Variants in RBFOX1 observed in about 807,000 individuals in gnomAD.
RBFOX1 encodes RNA binding fox-1 homolog 1, also known as RNA binding protein fox-1 homolog 1.
Under a neutral mutation model 57.7 loss-of-function variants are expected in RBFOX1, and 8 were observed. The observed-to-expected ratio is 0.14, with a 90% CI of 0.08 to 0.25. The LOEUF is 0.25. Among genes scored for constraint, RBFOX1 ranks in the 10% least tolerant of loss-of-function variants. The probability of loss-of-function intolerance (pLI) is 1.00; values close to 1 mark genes in which losing one functional copy is unlikely to be tolerated. For missense variants in RBFOX1, 611 were observed against 548.5 expected (o/e 1.11, Z -1.14); for synonymous variants, 326 against 222.4 (o/e 1.47, Z -4.15).
At chr16:6,811,417 T>A (rs986168346) in intron 3 of RBFOX1, among the ~76,000 whole-genome samples, 1 of 152,236 alleles carries the variant, frequency 6.6e-6, no homozygotes, top group East Asian at 1.9e-4. Context: ...ATTTTAATGT[T>A]TCATTGGCTA....
At chr16:7,258,311 T>G (rs2076495715) in intron 4 of RBFOX1, among the ~76,000 whole-genome samples, 1 of 152,186 alleles carries the variant, frequency 6.6e-6, no homozygotes. Context: ...ATTTTATACA[T>G]TAAAATGAGT....
rs539911250 is a variant in RBFOX1 at position 6,019,585 on chromosome 16, C to G, written c.-534C>G. On this transcript the variant is annotated 5_prime_UTR_variant, in exon 1 of 16. Coordinates refer to ENST00000550418, the MANE Select transcript of RBFOX1 (RefSeq NM_018723.4). This position sits in a 1 kb window ranked among gnomAD's most constrained non-coding sequence, Gnocchi z 4.2. Reference sequence around the variant, plus strand: ...CTGGCTGGACCCACGCGCGCGCCTCCGGGGCTGAAGAAGGAAGGAGTGAGC... The same window carrying G: ...CTGGCTGGACCCACGCGCGCGCCTCGGGGGCTGAAGAAGGAAGGAGTGAGC... 8 of 1,189,200 alleles carry G rather than the reference C, an allele frequency of 6.7e-6. No individual in the cohort carries two copies. Among genetic ancestry groups the G allele is most frequent in the Non-Finnish European group, 8.3e-6 (8 of 960,222 alleles). 73.7% of individuals were successfully genotyped at this position (1,189,200 alleles called of 1,614,324 possible).
At chr16:6,556,193 G>C (rs1018467149) in intron 2 of RBFOX1, among the ~76,000 whole-genome samples, 2 of 152,100 alleles carry the variant, frequency 1.3e-5, no homozygotes, top group African/African-American at 4.8e-5. Flanking sequence ...TTGACTTCCC[G>C]CTGTAGGAAT....
At chr16:7,536,684 C>T (rs1031750979) in intron 5 of RBFOX1, among the ~76,000 whole-genome samples, 1 of 152,184 alleles carries the variant, frequency 6.6e-6, no homozygotes, top group African/African-American at 2.4e-5. Flanking sequence ...GATGTGGAAA[C>T]AAGATGCAGG....
At chr16:7,409,522 C>T (rs12149783) in intron 4 of RBFOX1, among the ~76,000 whole-genome samples, 49,284 of 152,082 alleles carry the variant, frequency 0.32, 9,322 homozygotes, top group East Asian at 0.6. Context: ...GCCAGTTGTT[C>T]CTGGTTTCGA....
At chr16:7,300,999 T>G (rs887760762) in intron 4 of RBFOX1, among the ~76,000 whole-genome samples, 2 of 152,270 alleles carry the variant, frequency 1.3e-5, no homozygotes, top group South Asian at 4.1e-4. Context: ...GTATTTTCTT[T>G]CCCCACTTCT....
intron 3 of RBFOX1, among the ~76,000 whole-genome samples, chr16:6,956,622 G>A (rs528226112): frequency 2.1e-4 from 32 of 152,292 alleles, no homozygotes; most frequent in Middle Eastern, 3.4e-3. Context: ...TCCACAGCCC[G>A]TCTTCCCTTC....
intron 4 of RBFOX1, among the ~76,000 whole-genome samples, chr16:7,091,947 C>A (rs1345838431): frequency 6.6e-6 from 1 of 152,282 alleles, no homozygotes; most frequent in South Asian, 2.1e-4. Flanking sequence ...GAAACAACAT[C>A]TGCCCATTTT....
Position 6,340,724 on chromosome 16 carries a change from C to G in RBFOX1, c.-64+23667C>G, listed in dbSNP as rs533755182. 5.9e-5 allele frequency among the ~76,000 whole-genome samples: 9 copies of G among 152,260 alleles called. No homozygotes were observed. The South Asian group carries it at 6.2e-4, about 11-fold the overall frequency. ...GTTTTATGAGCAAGGTCTTTATGACCTGTATCTTGTGCTGACCTCCTGTCT... is the reference window on the plus strand; with the variant it reads ...GTTTTATGAGCAAGGTCTTTATGACGTGTATCTTGTGCTGACCTCCTGTCT... On this transcript the variant is annotated intron_variant, in intron 2 of 15. Transcript: ENST00000550418.
intron 4 of RBFOX1, among the ~76,000 whole-genome samples, chr16:7,458,459 A>T (rs2058954238): frequency 6.6e-6 from 1 of 152,220 alleles, no homozygotes; most frequent in Non-Finnish European, 1.5e-5. Flanking sequence ...AAGTAGACAG[A>T]AAATGAGCCA....
chr16:6,210,565 A>G (rs1303815203), intron 1 of RBFOX1, among the ~76,000 whole-genome samples: 2 of 151,818 alleles, frequency 1.3e-5, no homozygotes, highest in Non-Finnish European at 2.9e-5. Context: ...CCCTGTCTCT[A>G]CAAAAAATTA....
chr16:6,850,587 A>C (rs1481488566), intron 3 of RBFOX1, among the ~76,000 whole-genome samples: 1 of 152,174 alleles, frequency 6.6e-6, no homozygotes, highest in Non-Finnish European at 1.5e-5. Context: ...GGCCTTAACA[A>C]ATTAAAGCAC....
chr16:7,467,725 C>A (rs577551133), intron 4 of RBFOX1, among the ~76,000 whole-genome samples: 38 of 152,334 alleles, frequency 2.5e-4, no homozygotes, highest in Non-Finnish European at 2.8e-4. Context: ...TACTGGGACA[C>A]CCCTTATCTT....
chr16:7,206,944 G>A (rs1441887545), intron 4 of RBFOX1, among the ~76,000 whole-genome samples: 2 of 152,162 alleles, frequency 1.3e-5, no homozygotes, highest in East Asian at 3.8e-4. Flanking sequence ...GTTCTGTGTG[G>A]TAGTCCCACT....
intron 4 of RBFOX1, among the ~76,000 whole-genome samples, chr16:7,199,327 G>GTT (rs35649556): frequency 9.8e-4 from 148 of 151,736 alleles, no homozygotes; most frequent in Middle Eastern, 3.4e-3. Flanking sequence ...TGTTTAAAGG[G>GTT]TTTTTTTTCT....
intron 3 of RBFOX1, among the ~76,000 whole-genome samples, chr16:5,704,077 T>G (rs2051150556): frequency 6.6e-6 from 1 of 152,122 alleles, no homozygotes; most frequent in Non-Finnish European, 1.5e-5. Context: ...AGGTTCTTAT[T>G]ACCCACCTTG....
At chr16:7,450,058 C>T (rs1364306897) in intron 4 of RBFOX1, among the ~76,000 whole-genome samples, 2 of 151,980 alleles carry the variant, frequency 1.3e-5, no homozygotes, top group African/African-American at 4.8e-5. Context: ...CAGAGCCTGT[C>T]ATCATAGAAA....
At chr16:6,174,829 C>G (rs1359387517) in intron 1 of RBFOX1, among the ~76,000 whole-genome samples, 1 of 152,156 alleles carries the variant, frequency 6.6e-6, no homozygotes, top group Non-Finnish European at 1.5e-5. Context: ...GCTAAGCTTT[C>G]TCTATGTGCC....
chr16:6,700,685 T>A (rs913278822), intron 3 of RBFOX1, among the ~76,000 whole-genome samples: 11 of 152,238 alleles, frequency 7.2e-5, no homozygotes, highest in South Asian at 2.1e-4. Flanking sequence ...AATAATTTTT[T>A]AAAAATTACC....
Sources: gnomAD v4.1 joint callset for allele counts (sites outside exome capture counted in the v4.1 genomes callset) on GRCh38, gnomAD v4.1.1 for gene constraint, Gnocchi (gnomAD v3.1) non-coding constraint, MANE v1.5 for transcripts, NCBI Gene and HGNC (gene_info 2026-07-23, HGNC 2026-07-21) for gene names.